CNTN4: variants seen among roughly 807,000 people sequenced by gnomAD.
CNTN4 encodes the protein contactin 4.
Under a neutral mutation model 122.5 loss-of-function variants are expected in CNTN4, and 77 were observed. The ratio of observed to expected loss-of-function variants is 0.63; its 90% confidence interval spans 0.52 to 0.76. The LOEUF is 0.76. Among genes scored for constraint, CNTN4 ranks in the 30% least tolerant of loss-of-function variants. The pLI, the probability that CNTN4 is intolerant of heterozygous loss-of-function variation, is 0.00. For missense variants in CNTN4, 1,256 were observed against 1,259.1 expected, an observed-to-expected ratio of 1.00 and a Z score of 0.04; for synonymous variants, 512 against 447.0, an observed-to-expected ratio of 1.15 and a Z score of -1.83.
chr3:2,172,350 A>G (rs1003944408), intron 2 of CNTN4, among the ~76,000 whole-genome samples: 3 of 152,136 alleles, frequency 2.0e-5, no homozygotes, highest in Non-Finnish European at 4.4e-5. Flanking sequence ...GAGCCAAGCT[A>G]TGAGGATGCA....
At chr3:2,849,276 A>G (rs1055811749) in intron 7 of CNTN4, among the ~76,000 whole-genome samples, 1 of 152,238 alleles carries the variant, frequency 6.6e-6, no homozygotes, top group South Asian at 2.1e-4. Flanking sequence ...ATTTAAAACC[A>G]GGCAGAAGGG....
intron 3 of CNTN4, among the ~76,000 whole-genome samples, chr3:2,451,528 A>G (rs2151365750): frequency 6.6e-6 from 1 of 151,090 alleles, no homozygotes; most frequent in South Asian, 2.1e-4. Flanking sequence ...GTATTTTTAT[A>G]TAGATCTTAA....
chr3:2,831,120 A>G (rs1265976404), intron 7 of CNTN4, among the ~76,000 whole-genome samples: 1 of 152,238 alleles, frequency 6.6e-6, no homozygotes, highest in African/African-American at 2.4e-5. Flanking sequence ...ATTGAAGACC[A>G]GAGAAAACTA....
At chr3:2,799,458 A>C (rs1212862632) in intron 6 of CNTN4, among the ~76,000 whole-genome samples, 1 of 151,970 alleles carries the variant, frequency 6.6e-6, no homozygotes, top group East Asian at 1.9e-4. Flanking sequence ...GTATTTTTAC[A>C]GTTTCAGGTC....
chr3:2,946,831 A>G (rs1559703547), intron 13 of CNTN4, among the ~76,000 whole-genome samples: 1 of 148,876 alleles, frequency 6.7e-6, no homozygotes, highest in African/African-American at 2.5e-5. Flanking sequence ...CTTAGCCCCC[A>G]TGTAGCTGGG....
chr3:2,475,719 C>T (rs1054255184), intron 3 of CNTN4, among the ~76,000 whole-genome samples: 1 of 151,984 alleles, frequency 6.6e-6, no homozygotes, highest in African/African-American at 2.4e-5. Context: ...AACAGTAATG[C>T]AAAAATAACA....
In CNTN4 at chr3:2,109,987, G is replaced by A. The variant is rs763497888; in HGVS notation, c.-145+9348G>A. 1.2e-4 allele frequency among the ~76,000 whole-genome samples: 19 copies of A among 152,230 alleles called. 1 individual carries two copies. Among genetic ancestry groups the A allele is most frequent in the Admixed American group, 5.2e-4 (8 of 15,286 alleles). ...GGTCATCTAGAATTCTTGGATCTAAGTAATGGTAAATTAAGAGTTGCTTTT... is the reference window on the plus strand; with the variant it reads ...GGTCATCTAGAATTCTTGGATCTAAATAATGGTAAATTAAGAGTTGCTTTT... On this transcript the variant is annotated intron_variant, in intron 2 of 24. Transcript: ENST00000418658.
intron 4 of CNTN4, among the ~76,000 whole-genome samples, chr3:2,622,385 G>A (rs577378581): frequency 7.9e-5 from 12 of 152,234 alleles, no homozygotes; most frequent in Non-Finnish European, 1.2e-4. Flanking sequence ...TCTGCCACCC[G>A]GGTTCCAGTG....
intron 13 of CNTN4, among the ~76,000 whole-genome samples, chr3:2,965,924 A>G (rs553509517): frequency 3.3e-5 from 5 of 152,244 alleles, no homozygotes; most frequent in East Asian, 1.9e-4. Flanking sequence ...GACCTCTACT[A>G]TGTTTTCAGG....
Position 2,610,901 on chromosome 3 carries a change from G to T in CNTN4, c.55+39343G>T, listed in dbSNP as rs568172557. 4.6e-5 allele frequency among the ~76,000 whole-genome samples: 7 copies of T among 152,200 alleles called. No homozygotes were observed. The South Asian group carries it at 1.5e-3, about 32-fold the overall frequency. On this transcript the variant is annotated intron_variant, in intron 4 of 24. Transcript: ENST00000418658. ...TATTTTTTCAGGTATACAATGCAGG[G>T]AGTTACTTGACCTAAAATGGGTACT...
At chr3:2,840,741 CTAG>C (rs988899282) in intron 7 of CNTN4, among the ~76,000 whole-genome samples, 1 of 151,802 alleles carries the variant, frequency 6.6e-6, no homozygotes, top group Non-Finnish European at 1.5e-5. Context: ...AGCTGGACGA[CTAG>C]ATTTTTAAAA....
At chr3:2,727,740 T>G (rs1479117500) in intron 4 of CNTN4, among the ~76,000 whole-genome samples, 1 of 152,224 alleles carries the variant, frequency 6.6e-6, no homozygotes, top group African/African-American at 2.4e-5. Flanking sequence ...CATTATTTTG[T>G]TAACAAGAGA....
intron 4 of CNTN4, among the ~76,000 whole-genome samples, chr3:2,622,073 T>C (rs2600306): frequency 0.7 from 106,377 of 152,084 alleles, 38,819 homozygotes; most frequent in African/African-American, 0.89. Context: ...CATCTCTGTT[T>C]TAAATGTTGG....
intron 13 of CNTN4, among the ~76,000 whole-genome samples, chr3:2,975,709 C>G (rs1387516412): frequency 2.0e-5 from 3 of 152,090 alleles, no homozygotes; most frequent in African/African-American, 7.2e-5. Flanking sequence ...AGCTACTCTG[C>G]TGTTCTGATT....
chr3:2,752,577 C>G (rs1359927754), intron 6 of CNTN4, among the ~76,000 whole-genome samples: 1 of 152,142 alleles, frequency 6.6e-6, no homozygotes, highest in African/African-American at 2.4e-5. Flanking sequence ...CCTCGAACTC[C>G]TGACCTCAGG....
At chr3:2,312,935 TAAA>T (rs938138804) in intron 2 of CNTN4, among the ~76,000 whole-genome samples, 1 of 151,958 alleles carries the variant, frequency 6.6e-6, no homozygotes, top group African/African-American at 2.4e-5. Context: ...ATAACAAAAA[TAAA>T]AACACTGTGT....
chr3:2,912,690 GTAAA>G (rs2094313899), intron 12 of CNTN4, among the ~76,000 whole-genome samples: 1 of 152,186 alleles, frequency 6.6e-6, no homozygotes, highest in African/African-American at 2.4e-5. Flanking sequence ...GCAGCAGGAT[GTAAA>G]TAGTTTTTAT....
chr3:2,885,866 G>A (rs1176570170), intron 9 of CNTN4, among the ~76,000 whole-genome samples: 4 of 152,146 alleles, frequency 2.6e-5, no homozygotes, highest in Non-Finnish European at 4.4e-5. Context: ...TGTTGGGGAC[G>A]TTGGAAGGCT....
rs78352580 is a variant in CNTN4 at position 2,709,014 on chromosome 3, T to A, written c.56-27201T>A. On this transcript the variant is annotated intron_variant, in intron 4 of 24. Transcript: ENST00000418658. The surrounding 1 kb of genome is among the most constrained non-coding windows in gnomAD (Gnocchi z 5.0). The stretch of plus-strand genomic sequence containing the variant: ...ATTTTAATGGGCGTTGCTACTTGGA[T>A]CTTCAGAATACATGATATATCTCTT... Among the ~76,000 whole-genome samples, 1,270 of 152,284 alleles carry A rather than the reference T, an allele frequency of 8.3e-3. 11 individuals carry two copies. The highest frequency in any genetic ancestry group is 0.02 in the Middle Eastern group (6 of 294).
Sources: allele counts gnomAD v4.1 joint callset (sites outside exome capture counted in the v4.1 genomes callset), GRCh38; gene constraint gnomAD v4.1.1; non-coding constraint Gnocchi (gnomAD v3.1); transcripts MANE v1.5; gene names NCBI Gene and HGNC (gene_info 2026-07-23, HGNC 2026-07-21).